The following SLCO3A1 variants were observed in gnomAD, a reference collection of about 807,000 sequenced individuals.
The protein encoded by SLCO3A1 is solute carrier organic anion transporter family member 3A1.
In SLCO3A1, 27 loss-of-function variants were observed where a neutral mutation model predicts 63.1. That is an observed-to-expected ratio of 0.43 (90% confidence interval 0.32 to 0.59). The LOEUF is 0.59. Among genes scored for constraint, SLCO3A1 ranks in the 20% least tolerant of loss-of-function variants. The probability of loss-of-function intolerance (pLI) is 0.09; values close to 1 mark genes in which losing one functional copy is unlikely to be tolerated. For missense variants in SLCO3A1, 773 were observed against 945.8 expected (o/e 0.82, Z 2.40); for synonymous variants, 473 against 409.9 (o/e 1.15, Z -1.86).
At chr15:92,109,288 T>G (rs1391013559) in intron 4 of SLCO3A1, among the ~76,000 whole-genome samples, 1 of 152,180 alleles carries the variant, frequency 6.6e-6, no homozygotes, top group Non-Finnish European at 1.5e-5. Context: ...CATGGCATTA[T>G]GCTGCCACTT....
chr15:92,020,505 A>G (rs775571300), intron 2 of SLCO3A1, among the ~76,000 whole-genome samples: 3 of 152,252 alleles, frequency 2.0e-5, no homozygotes, highest in Non-Finnish European at 2.9e-5. Context: ...GCTAACTAGC[A>G]TTGAAAATCA....
chr15:91,964,307 T>G (rs976195398), intron 2 of SLCO3A1, among the ~76,000 whole-genome samples: 2 of 150,526 alleles, frequency 1.3e-5, no homozygotes, highest in South Asian at 2.1e-4. Flanking sequence ...TTTTTTTTTG[T>G]TTTTGGTCAT....
intron 2 of SLCO3A1, among the ~76,000 whole-genome samples, chr15:91,965,730 G>A (rs1195675887): frequency 7.4e-6 from 1 of 134,362 alleles, no homozygotes; most frequent in Non-Finnish European, 1.8e-5. Flanking sequence ...GGGTGTGTGT[G>A]TGTGTGTGTG....
In SLCO3A1 at chr15:91,853,965, G is replaced by T; in HGVS notation, c.57G>T (p.Gln19His). Reference sequence around the variant, plus strand: ...GCGGCGGCCGGAGCGGCGAGCTGCAGGGGGACGAGGCGCAGAGGAACAAGA... The same window carrying T: ...GCGGCGGCCGGAGCGGCGAGCTGCATGGGGACGAGGCGCAGAGGAACAAGA... Reference protein sequence around the residue: ...SSGGGRSGELQGDEAQRNKKK... With the variant: ...SSGGGRSGELHGDEAQRNKKK... Residue 19 changes from glutamine to histidine, a missense_variant, in exon 1 of 10, where the codon CAG (glutamine) becomes CAT (histidine). This residue lies in a region of SLCO3A1 where 69 missense variants were observed against 64.6 expected (regional missense o/e 1.07). Coordinates refer to ENST00000318445, the MANE Select transcript of SLCO3A1 (RefSeq NM_013272.4). 6.7e-7 allele frequency: 1 copy of T among 1,499,656 alleles called. No individual in the cohort carries two copies. Among genetic ancestry groups the T allele is most frequent in the Non-Finnish European group, 8.9e-7 (1 of 1,121,316 alleles). The allele number at this position is 1,499,656 out of a possible 1,614,324, so 92.9% of individuals were successfully genotyped here.
Position 92,059,201 on chromosome 15 carries a change from G to T in SLCO3A1, c.647-35680G>T, listed in dbSNP as rs2047056974. 2.6e-5 allele frequency among the ~76,000 whole-genome samples: 4 copies of T among 152,170 alleles called. No homozygotes were observed. The South Asian group carries it at 6.2e-4, about 24-fold the overall frequency. Reference sequence around the variant, plus strand: ...GTAGATCAACCTCTTCCCTAGGGGGGTGTTTCCTGTCACAGAGAAAGGCCA... The same window carrying T: ...GTAGATCAACCTCTTCCCTAGGGGGTTGTTTCCTGTCACAGAGAAAGGCCA... On this transcript the variant is annotated intron_variant, in intron 2 of 9. Transcript: ENST00000318445.
intron 1 of SLCO3A1, among the ~76,000 whole-genome samples, chr15:91,857,014 T>C (rs1302660829): frequency 6.7e-6 from 1 of 150,092 alleles, no homozygotes; most frequent in African/African-American, 2.5e-5. Context: ...AGAAGCAACT[T>C]TGAGAAGGAG....
intron 2 of SLCO3A1, among the ~76,000 whole-genome samples, chr15:91,925,388 T>A (rs915275262): frequency 6.6e-6 from 1 of 152,214 alleles, no homozygotes; most frequent in East Asian, 1.9e-4. Context: ...AGTAAGTTCT[T>A]CATTGCTAGA....
In SLCO3A1 at chr15:91,942,489, G is replaced by A. The variant is rs1410159543; in HGVS notation, c.646+26031G>A. Among the ~76,000 whole-genome samples the A allele has an allele frequency of 6.6e-6, 1 of 152,234 alleles. No homozygotes were observed. Among genetic ancestry groups the A allele is most frequent in the Non-Finnish European group, 1.5e-5 (1 of 68,038 alleles). Reference sequence around the variant, plus strand: ...AGTTGGATGTGGCCTGGAGTTGTGTGTCAGTGGCCATCCCTCTTAGATTGA... The same window carrying A: ...AGTTGGATGTGGCCTGGAGTTGTGTATCAGTGGCCATCCCTCTTAGATTGA... On this transcript the variant is annotated intron_variant, in intron 2 of 9. Transcript: ENST00000318445. This position sits in a 1 kb window ranked among gnomAD's most constrained non-coding sequence, Gnocchi z 4.1.
At chr15:92,161,250 C>T (rs552551837) in intron 9 of SLCO3A1, among the ~76,000 whole-genome samples, 1 of 152,256 alleles carries the variant, frequency 6.6e-6, no homozygotes, top group Admixed American at 6.5e-5. Context: ...GTCACTTTCC[C>T]ATAGTACAGA....
intron 2 of SLCO3A1, among the ~76,000 whole-genome samples, chr15:92,015,445 G>T (rs2046415169): frequency 6.6e-6 from 1 of 152,070 alleles, no homozygotes; most frequent in Admixed American, 6.6e-5. Flanking sequence ...TCTAAACTAT[G>T]AGATCTCGTG....
chr15:92,167,608 G>A (rs80083956), downstream of SLCO3A1, among the ~76,000 whole-genome samples: 211 of 152,284 alleles, frequency 1.4e-3, 2 homozygotes, highest in African/African-American at 4.4e-3. Flanking sequence ...CGCCCCTAGT[G>A]TACTGTCATT....
intron 9 of SLCO3A1, among the ~76,000 whole-genome samples, chr15:92,161,069 A>G (rs926297404): frequency 6.6e-6 from 1 of 152,198 alleles, no homozygotes; most frequent in Non-Finnish European, 1.5e-5. Flanking sequence ...TAGCTCTGCA[A>G]GGAACACTCC....
intron 2 of SLCO3A1, among the ~76,000 whole-genome samples, chr15:92,011,916 G>A (rs1451161821): frequency 6.6e-6 from 1 of 152,242 alleles, no homozygotes; most frequent in African/African-American, 2.4e-5. Context: ...ATTTGGAATG[G>A]CTCAGCCTGG....
intron 2 of SLCO3A1, among the ~76,000 whole-genome samples, chr15:91,933,471 C>CT (rs1328231763): frequency 2.0e-5 from 3 of 152,144 alleles, no homozygotes; most frequent in South Asian, 2.1e-4. Context: ...TATTAGCTTC[C>CT]TTTTTTGTAA....
At chr15:92,035,661 C>T (rs1289535287) in intron 2 of SLCO3A1, among the ~76,000 whole-genome samples, 7 of 151,716 alleles carry the variant, frequency 4.6e-5, no homozygotes, top group African/African-American at 1.5e-4. Flanking sequence ...TTTTAACACC[C>T]GTGGAGCCCC....
chr15:92,067,691 T>G (rs1438307167), intron 2 of SLCO3A1, among the ~76,000 whole-genome samples: 1 of 152,238 alleles, frequency 6.6e-6, no homozygotes, highest in Non-Finnish European at 1.5e-5. Flanking sequence ...GAAGCGTCAG[T>G]GCAGACTACT....
intron 2 of SLCO3A1, among the ~76,000 whole-genome samples, chr15:92,077,272 T>C (rs2047289502): frequency 1.3e-5 from 2 of 152,176 alleles, no homozygotes; most frequent in South Asian, 4.1e-4. Context: ...AGGTCCCTGA[T>C]ATGGGTCCTT....
Position 91,985,925 on chromosome 15 carries a change from A to G in SLCO3A1, c.646+69467A>G, listed in dbSNP as rs79476780. ...GTGTAGGTGGGGGAGGCCTTCGAGG[A>G]GCAGGATGGAGCCCTGGGTTGGGGG... On this transcript the variant is annotated intron_variant, in intron 2 of 9. Transcript: ENST00000318445. Among the ~76,000 whole-genome samples, 902 of 152,204 alleles carry G rather than the reference A, an allele frequency of 5.9e-3. 11 individuals carry two copies. Among genetic ancestry groups the G allele is most frequent in the African/African-American group, 0.021 (865 of 41,524 alleles).
At chr15:91,945,341 C>CAAAAAA (rs146934068) in intron 2 of SLCO3A1, among the ~76,000 whole-genome samples, 3 of 137,074 alleles carry the variant, frequency 2.2e-5, no homozygotes, top group Admixed American at 7.4e-5. Context: ...GACTCCATCT[C>CAAAAAA]AAAAAAAAAA....
Sources: allele counts gnomAD v4.1 joint callset (sites outside exome capture counted in the v4.1 genomes callset), GRCh38; gene constraint gnomAD v4.1.1; regional missense constraint gnomAD v4.1.1; non-coding constraint Gnocchi (gnomAD v3.1); transcripts MANE v1.5; gene names NCBI Gene and HGNC (gene_info 2026-07-23, HGNC 2026-07-21).